The following LRP2 variants were observed in gnomAD, a reference collection of about 807,000 sequenced individuals.
LRP2 encodes the protein LDL receptor related protein 2, also known as low-density lipoprotein receptor-related protein 2.
LRP2 carries 172 observed loss-of-function variants against 531.0 expected under a neutral mutation model. That is an observed-to-expected ratio of 0.32 (90% CI 0.29 to 0.37). The LOEUF (loss-of-function observed/expected upper bound fraction) is 0.37, where lower values mean the gene tolerates loss of function less well. Ranked by LOEUF, LRP2 falls within the 10% of genes least tolerant of loss-of-function variation. The pLI is 1.00. For missense variants in LRP2, 5,167 were observed against 5,868.3 expected (o/e 0.88, Z 3.90); for synonymous variants, 1,992 against 2,027.6 (o/e 0.98, Z 0.47).
chr2:169,313,208 A>T (rs1487984445), intron 3 of LRP2, among the ~76,000 whole-genome samples: 2 of 152,082 alleles, frequency 1.3e-5, no homozygotes, highest in East Asian at 3.9e-4. Context: ...TTCTTCTCTC[A>T]ACTCTCAAAG....
At chr2:169,301,800 G>A (rs573442482) in intron 4 of LRP2, among the ~76,000 whole-genome samples, 1 of 152,078 alleles carries the variant, frequency 6.6e-6, no homozygotes, top group Non-Finnish European at 1.5e-5. Flanking sequence ...ATGGACACAA[G>A]GTACTCTGTC....
intron 34 of LRP2, among the ~76,000 whole-genome samples, chr2:169,219,457 C>T (rs1473308702): frequency 6.6e-6 from 1 of 152,198 alleles, no homozygotes; most frequent in Non-Finnish European, 1.5e-5. Context: ...CTCCAGCCTA[C>T]ATCCATTAAG....
chr2:169,188,849 C>T lies in LRP2; in HGVS notation c.9033-584G>A, dbSNP rs371838392. ...AACACATATCTTCCCACTGGAATAA[C>T]GTTTACATTGTCAGTCCTGTTCCTT... On this transcript the variant is annotated intron_variant, in intron 48 of 78. Transcript: ENST00000649046. Among the ~76,000 whole-genome samples, 8 of 152,218 alleles carry T rather than the reference C, an allele frequency of 5.3e-5. 1 individual carries two copies. Among genetic ancestry groups the T allele is most frequent in the Non-Finnish European group, 5.9e-5 (4 of 68,016 alleles).
intron 39 of LRP2, 43 bp downstream of exon 39, chr2:169,206,287 T>C (rs766947912): frequency 6.2e-7 from 1 of 1,610,558 alleles, no homozygotes; most frequent in South Asian, 1.1e-5. Flanking sequence ...GTTGACCCCA[T>C]TGTGTCTACT....
At chr2:169,346,747 G>A (rs1342156450) in intron 1 of LRP2, among the ~76,000 whole-genome samples, 1 of 152,126 alleles carries the variant, frequency 6.6e-6, no homozygotes, top group Admixed American at 6.6e-5. Context: ...AATTATAACT[G>A]CCATGTATAT....
intron 17 of LRP2, 95 bp from the exon 18 acceptor site, chr2:169,257,344 CAATT>C: frequency 1.5e-6 from 2 of 1,312,274 alleles, no homozygotes; most frequent in Non-Finnish European, 2.2e-6. Context: ...CCAGATACTG[CAATT>C]AATTTTGTTT....
intron 3 of LRP2, among the ~76,000 whole-genome samples, chr2:169,308,762 G>T (rs1684501094): frequency 1.3e-5 from 2 of 152,100 alleles, no homozygotes; most frequent in Non-Finnish European, 2.9e-5. Context: ...TGGGTCAAAT[G>T]GTATTTCTAG....
At chr2:169,308,407 G>A (rs370400017) in intron 3 of LRP2, among the ~76,000 whole-genome samples, 4 of 152,018 alleles carry the variant, frequency 2.6e-5, no homozygotes, top group African/African-American at 9.7e-5. Flanking sequence ...AGTTTGTGAT[G>A]TTCCCCATCC....
rs1165934355 is a variant in LRP2 at position 169,172,128 on chromosome 2, C to G, written c.11150G>C (p.Arg3717Thr). The G allele has an allele frequency of 1.4e-5, 22 of 1,614,120 alleles. No homozygotes were observed. Among genetic ancestry groups the G allele is most frequent in the Admixed American group, 3.3e-5 (2 of 60,020 alleles). Residue 3717 changes from arginine (R) to threonine (T), a missense_variant, in exon 58 of 79, where the codon AGG (arginine) becomes ACG (threonine). Transcript: ENST00000649046. ...GAAATCCCCCACAGGATGGCATGTC[C>G]TCTCCTCTGCAAAGCAGTCATTGCA... ...DNSDEQGCEE[R>T]TCHPVGDFRC...
rs374011295 is a variant in LRP2 at position 169,246,820 on chromosome 2, C to G, written c.3075G>C (p.Gln1025His). 59 of 1,614,090 alleles carry G rather than the reference C, an allele frequency of 3.7e-5. No individual in the cohort carries two copies. In the Admixed American group the frequency reaches 3.8e-4, roughly 10 times the overall value. The change falls in exon 21 of 79, where the codon CAG (glutamine) becomes CAC (histidine). Residue 1025 changes from glutamine (Q) to histidine (H), a missense_variant. This residue lies in a region of LRP2 where 2,811 missense variants were observed against 3,058.0 expected (regional missense o/e 0.92). Transcript: ENST00000649046. ...TACAGGGGAAGGAAAATAAGCCACA[C>G]TGCTCTGTGGGTGGTTCATTGGTTG... ...GDPTNEPPTE[Q>H]CGLFSFPCKN...
intron 63 of LRP2, among the ~76,000 whole-genome samples, chr2:169,158,059 TATACACACAC>T (rs1228655353): frequency 1.3e-3 from 104 of 82,576 alleles, no homozygotes; most frequent in African/African-American, 4.2e-3. Flanking sequence ...CAATTGATTA[TATACACACAC>T]ACACACACAC....
intron 19 of LRP2, among the ~76,000 whole-genome samples, chr2:169,255,220 T>C (rs1197514312): frequency 6.6e-6 from 1 of 152,156 alleles, no homozygotes; most frequent in African/African-American, 2.4e-5. Flanking sequence ...TCATGGTTTG[T>C]CAAACAGACC....
chr2:169,351,746 T>A (rs747990866), intron 1 of LRP2, among the ~76,000 whole-genome samples: 7 of 152,178 alleles, frequency 4.6e-5, no homozygotes, highest in African/African-American at 1.7e-4. Flanking sequence ...GCGAGGCTAG[T>A]CAGTATAGTT....
intron 46 of LRP2, among the ~76,000 whole-genome samples, chr2:169,194,094 C>T (rs751629168): frequency 8.5e-5 from 13 of 152,078 alleles, no homozygotes; most frequent in Non-Finnish European, 1.5e-4. Flanking sequence ...CAGTGCAAAG[C>T]CCTAATTATC....
intron 1 of LRP2, among the ~76,000 whole-genome samples, chr2:169,353,123 T>C (rs539736501): frequency 6.6e-6 from 1 of 152,228 alleles, no homozygotes; most frequent in Non-Finnish European, 1.5e-5. Context: ...CTATACTTTT[T>C]TAAGTTCCTC....
At chr2:169,222,863 T>C (rs1689068559) in intron 33 of LRP2, among the ~76,000 whole-genome samples, 1 of 152,166 alleles carries the variant, frequency 6.6e-6, no homozygotes, top group South Asian at 2.1e-4. Flanking sequence ...GTATTAGTCA[T>C]CTTTCAAGAC....
rs547103392 is a variant in LRP2, at chr2:169,158,863, A to G, written c.11888-1361T>C. On this transcript the variant is annotated intron_variant, in intron 63 of 78. Coordinates refer to ENST00000649046, the MANE Select transcript of LRP2 (RefSeq NM_004525.3). ...TTTCACAGTAAAAAAAAAACAAAAA[A>G]AACACAGTTTATTTTTGTAGAGCCC... Among the ~76,000 whole-genome samples, 23 of 152,016 alleles carry G rather than the reference A, an allele frequency of 1.5e-4. No individual in the cohort carries two copies. The South Asian group carries it at 4.6e-3, about 30-fold the overall frequency.
chr2:169,323,046 T>C lies in LRP2; in HGVS notation c.80-2162A>G, dbSNP rs547906230. 3.3e-5 allele frequency among the ~76,000 whole-genome samples: 5 copies of C among 152,180 alleles called. No homozygotes were observed. The South Asian group carries it at 8.3e-4, about 25-fold the overall frequency. On this transcript the variant is annotated intron_variant, in intron 1 of 78. Transcript: ENST00000649046. Reference sequence around the variant, plus strand: ...AACACATCATGAAAAGAACACAAAATAGAGACTCAAAAGTCATTTTATAAA... The same window carrying C: ...AACACATCATGAAAAGAACACAAAACAGAGACTCAAAAGTCATTTTATAAA...
rs151190671 is a variant in LRP2, at chr2:169,256,437, CAATT to C, written c.2640-205_2640-202del. ...TACTTTTCATGAAGTGGCTTTCAAT[CAATT>C]GTCTTAGAAAACTTAAAATGTTGCT... On this transcript the variant is annotated intron_variant, in intron 18 of 78. Coordinates refer to ENST00000649046, the MANE Select transcript of LRP2 (RefSeq NM_004525.3). Among the ~76,000 whole-genome samples the C allele has an allele frequency of 0.03, 4,625 of 152,168 alleles. 168 individuals are homozygous for C. Among genetic ancestry groups the C allele is most frequent in the African/African-American group, 0.092 (3,802 of 41,514 alleles).
Sources: gnomAD v4.1 joint callset for allele counts (sites outside exome capture counted in the v4.1 genomes callset) on GRCh38, gnomAD v4.1.1 for gene constraint, gnomAD v4.1.1 regional missense constraint, MANE v1.5 for transcripts, NCBI Gene and HGNC (gene_info 2026-07-23, HGNC 2026-07-21) for gene names.